CDK4: variants seen among roughly 807,000 people sequenced by gnomAD.
CDK4 encodes the protein cyclin dependent kinase 4, also known as cyclin-dependent kinase 4.
CDK4 carries 13 observed loss-of-function variants against 36.7 expected under a neutral mutation model. The observed-to-expected ratio is 0.35, with a 90% CI of 0.23 to 0.56. The LOEUF is 0.56. Among genes scored for constraint, CDK4 ranks in the 20% least tolerant of loss-of-function variants. The pLI, the probability that CDK4 is intolerant of heterozygous loss-of-function variation, is 0.85. For missense variants in CDK4, 285 were observed against 387.3 expected, an observed-to-expected ratio of 0.74 and a Z score of 2.22; for synonymous variants, 158 against 146.4, an observed-to-expected ratio of 1.08 and a Z score of -0.57.
In CDK4 at chr12:57,751,116, G is replaced by A. The variant is rs1812065219; in HGVS notation, c.355-26C>T. ...CTAGTTTCAAAGGGGAGGTACAGAT[G>A]CACTGGAAACTAGGCACCATACCTG... On this transcript the variant is annotated intron_variant, in intron 3 of 7. Coordinates refer to ENST00000257904, the MANE Select transcript of CDK4 (RefSeq NM_000075.4). This position sits in a 1 kb window ranked among gnomAD's most constrained non-coding sequence, Gnocchi z 4.5. The A allele has an allele frequency of 1.2e-6, 2 of 1,614,114 alleles. No homozygotes were observed. Among genetic ancestry groups the A allele is most frequent in the African/African-American group, 2.7e-5 (2 of 75,010 alleles).
rs1955188857 is a variant in CDK4, at chr12:57,748,648, TG to T, written c.820-32del. 4.1e-6 allele frequency: 6 copies of T among 1,474,568 alleles called. No homozygotes were observed. The South Asian group carries it at 6.8e-5, about 17-fold the overall frequency. 91.3% of individuals were successfully genotyped at this position (1,474,568 alleles called of 1,614,324 possible). On this transcript the variant is annotated intron_variant, in intron 7 of 7. Coordinates refer to ENST00000257904, the MANE Select transcript of CDK4 (RefSeq NM_000075.4). The stretch of plus-strand genomic sequence containing the variant: ...GGGAGAGGCAAAGGTCAGAAAACCA[TG>T]AAGAAAACAGACTTCTGCCCACCCA...
At position 57,751,364 on chromosome 12, in the gene CDK4, T is replaced by C. The variant is rs2140387678; in HGVS notation, c.219-22A>G. ...CAGCCTGACCAGAGTAAATGCTCACTTTTCAATCCCCTTTAACCCAACATG... is the reference window on the plus strand; with the variant it reads ...CAGCCTGACCAGAGTAAATGCTCACCTTTCAATCCCCTTTAACCCAACATG... On this transcript the variant is annotated intron_variant, in intron 2 of 7. Coordinates refer to ENST00000257904, the MANE Select transcript of CDK4 (RefSeq NM_000075.4). This position sits in a 1 kb window ranked among gnomAD's most constrained non-coding sequence, Gnocchi z 4.5. 1 of 1,614,026 alleles carries C rather than the reference T, an allele frequency of 6.2e-7. No homozygotes were observed. The highest frequency in any genetic ancestry group is 8.5e-7 in the Non-Finnish European group (1 of 1,180,032).
chr12:57,749,147 A>C, intron 7 of CDK4, 35 bp downstream of exon 7: 9 of 1,613,586 alleles, frequency 5.6e-6, no homozygotes, highest in Non-Finnish European at 7.6e-6. Flanking sequence ...CCCAGTCTCT[A>C]TTTCTTTCCC....
In CDK4 at chr12:57,751,133, C is replaced by A. The variant is rs377126278; in HGVS notation, c.355-43G>T. The A allele has an allele frequency of 4.1e-5, 66 of 1,614,022 alleles. No individual in the cohort carries two copies. The highest frequency in any genetic ancestry group is 4.6e-5 in the Non-Finnish European group (54 of 1,180,020). On this transcript the variant is annotated intron_variant, in intron 3 of 7. Transcript: ENST00000257904. This position sits in a 1 kb window ranked among gnomAD's most constrained non-coding sequence, Gnocchi z 4.5. ...GTACAGATGCACTGGAAACTAGGCACCATACCTGAAATCCCAGAAGGTTCT... is the reference window on the plus strand; with the variant it reads ...GTACAGATGCACTGGAAACTAGGCAACATACCTGAAATCCCAGAAGGTTCT...
In CDK4 at chr12:57,751,788, A is replaced by G. The variant is rs1955241129; in HGVS notation, c.-19-52T>C. 1.5e-6 allele frequency: 2 copies of G among 1,352,790 alleles called. No homozygotes were observed. Among genetic ancestry groups the G allele is most frequent in the Admixed American group, 1.8e-5 (1 of 55,684 alleles). The allele number at this position is 1,352,790 out of a possible 1,614,324, so 83.8% of individuals were successfully genotyped here. ...AAGTCGCTTACAGAGTTAGGATGGTATGAGCCTGCAGCAACAAAGGGACTC... is the reference window on the plus strand; with the variant it reads ...AAGTCGCTTACAGAGTTAGGATGGTGTGAGCCTGCAGCAACAAAGGGACTC... On this transcript the variant is annotated intron_variant, in intron 1 of 7. Transcript: ENST00000257904. The surrounding 1 kb of genome is among the most constrained non-coding windows in gnomAD (Gnocchi z 4.5).
Position 57,751,463 on chromosome 12 carries a change from T to C in CDK4, c.218+37A>G, listed in dbSNP as rs1379321187. On this transcript the variant is annotated intron_variant, in intron 2 of 7. Transcript: ENST00000257904. The surrounding 1 kb of genome is among the most constrained non-coding windows in gnomAD (Gnocchi z 4.5). ...CCCCACCTATAGGCTGTCTTTTCCCTTTACTCCCCACGCCCAACCCTCCAC... is the reference window on the plus strand; with the variant it reads ...CCCCACCTATAGGCTGTCTTTTCCCCTTACTCCCCACGCCCAACCCTCCAC... 3 of 1,611,202 alleles carry C rather than the reference T, an allele frequency of 1.9e-6. No homozygotes were observed. The highest frequency in any genetic ancestry group is 2.5e-6 in the Non-Finnish European group (3 of 1,177,744).
At position 57,750,864 on chromosome 12, in the gene CDK4, C is replaced by T. The variant is rs987417570; in HGVS notation, c.522+59G>A. On this transcript the variant is annotated intron_variant, in intron 4 of 7. Transcript: ENST00000257904. ...GAAGCACATGACTTCTCAATTGCTA[C>T]GGGCAATCACTCTCCTACTCCCAAC... 34 of 1,602,714 alleles carry T rather than the reference C, an allele frequency of 2.1e-5. No homozygotes were observed. In the Middle Eastern group the frequency reaches 1.2e-3, roughly 55 times the overall value.
In CDK4 at chr12:57,751,896, A is replaced by C; in HGVS notation, c.-19-160T>G. 2 of 649,474 alleles carry C rather than the reference A, an allele frequency of 3.1e-6. No homozygotes were observed. The highest frequency in any genetic ancestry group is 3.5e-5 in the South Asian group (2 of 56,608). The allele number at this position is 649,474 out of a possible 1,614,324, so 40.2% of individuals were successfully genotyped here. On this transcript the variant is annotated intron_variant, in intron 1 of 7. Transcript: ENST00000257904. The surrounding 1 kb of genome is among the most constrained non-coding windows in gnomAD (Gnocchi z 4.5). ...TTGGGGCCGGCCCCAGAGATAACAC[A>C]ATGACTCAATACCAACCCCTCCAGC...
rs1436435610 is a variant in CDK4 at position 57,749,611 on chromosome 12, A to G, written c.633-107T>C. 5.5e-6 allele frequency: 6 copies of G among 1,090,896 alleles called. No homozygotes were observed. In the East Asian group the frequency reaches 1.5e-4, roughly 28 times the overall value. 67.6% of individuals were successfully genotyped at this position (1,090,896 alleles called of 1,614,324 possible). ...GGAAGTATAGGGAATAAAGGCCAAC[A>G]ATTCCAGCACTTTGGGATGCTGAGG... On this transcript the variant is annotated intron_variant, in intron 5 of 7. Transcript: ENST00000257904.
rs2140388473 is a variant in CDK4, at chr12:57,751,613, C to T, written c.105G>A (p.Lys35=). 6.2e-7 allele frequency: 1 copy of T among 1,614,220 alleles called. No individual in the cohort carries two copies. Among genetic ancestry groups the T allele is most frequent in the Admixed American group, 1.7e-5 (1 of 60,022 alleles). The stretch of plus-strand genomic sequence containing the variant: ...CTCCTCCATTGGGGACTCTCACACT[C>T]TTGAGGGCCACAAAGTGGCCACTGT... ...DPHSGHFVAL[K]SVRVPNGGGG... is the part of the protein sequence containing the mutation. Residue 35 remains lysine (K), a synonymous_variant, in exon 2 of 8, where the codon AAG becomes AAA. Coordinates refer to ENST00000257904, the MANE Select transcript of CDK4 (RefSeq NM_000075.4). The surrounding 1 kb of genome is among the most constrained non-coding windows in gnomAD (Gnocchi z 4.5).
intron 4 of CDK4, 27 bp from the exon 5 acceptor site, chr12:57,750,792 G>T (rs371812067): frequency 6.3e-7 from 1 of 1,593,514 alleles, no homozygotes; most frequent in South Asian, 1.1e-5. Flanking sequence ...GAATGGATGG[G>T]GACCCCATGG....
chr12:57,749,039 G>T, intron 7 of CDK4, 143 bp downstream of exon 7: 2 of 1,038,168 alleles, frequency 1.9e-6, no homozygotes, highest in Non-Finnish European at 1.5e-6. Context: ...TTCTCTGTGG[G>T]TGGCTATTTG....
In CDK4 at chr12:57,748,603, A is replaced by G. The variant is rs115576923; in HGVS notation, c.834T>C (p.Phe278=). Residue 278 remains phenylalanine, a synonymous_variant, in exon 8 of 8, where the codon TTT becomes TTC. Coordinates refer to ENST00000257904, the MANE Select transcript of CDK4 (RefSeq NM_000075.4). ...GAQLLLEMLT[F]NPHKRISAFR... ...AGGCAGAGATTCGCTTGTGTGGGTT[A>G]AAAGTCAGCATTTCCTGAGGGGAGA... is the stretch of plus-strand genomic sequence containing the variant. The G allele has an allele frequency of 3.0e-5, 49 of 1,613,588 alleles. No homozygotes were observed. In the African/African-American group the frequency reaches 5.3e-4, roughly 18 times the overall value.
rs2140386487 is a variant in CDK4, at chr12:57,750,992, A to G, written c.453T>C (p.Gly151=). The G allele has an allele frequency of 3.1e-6, 5 of 1,613,746 alleles. No individual in the cohort carries two copies. The African/African-American group carries it at 6.7e-5, about 22-fold the overall frequency. The change falls in exon 4 of 8, where the codon GGT becomes GGC. Residue 151 remains glycine, a synonymous_variant. Transcript: ENST00000257904. ...LKPENILVTS[G]GTVKLADFGL... Reference sequence around the variant, plus strand: ...CAAAGTCAGCCAGCTTGACTGTTCCACCACTTGTCACCAGAATGTTCTCTG... The same window carrying G: ...CAAAGTCAGCCAGCTTGACTGTTCCGCCACTTGTCACCAGAATGTTCTCTG...
At chr12:57,750,334 G>A in intron 5 of CDK4, 1 of 370,626 alleles carries the variant, frequency 2.7e-6, no homozygotes, top group Non-Finnish European at 5.2e-6. Flanking sequence ...GGGAGGTAGG[G>A]GTGGGAGGAT....
At position 57,751,777 on chromosome 12, in the gene CDK4, G is replaced by C. The variant is rs1467617022; in HGVS notation, c.-19-41C>G. The C allele has an allele frequency of 6.7e-7, 1 of 1,481,978 alleles. No homozygotes were observed. The highest frequency in any genetic ancestry group is 9.4e-7 in the Non-Finnish European group (1 of 1,066,358). 91.8% of individuals were successfully genotyped at this position (1,481,978 alleles called of 1,614,324 possible). ...CCTATCACCAAAAGTCGCTTACAGA[G>C]TTAGGATGGTATGAGCCTGCAGCAA... is the stretch of plus-strand genomic sequence containing the variant. On this transcript the variant is annotated intron_variant, in intron 1 of 7. Coordinates refer to ENST00000257904, the MANE Select transcript of CDK4 (RefSeq NM_000075.4). The surrounding 1 kb of genome is among the most constrained non-coding windows in gnomAD (Gnocchi z 4.5).
At chr12:57,750,607 C>A (rs780676144) in intron 5 of CDK4, 49 bp downstream of exon 5, 1 of 1,286,482 alleles carries the variant, frequency 7.8e-7, no homozygotes, top group Admixed American at 1.7e-5. Context: ...GGTTTATGAA[C>A]AAGCGATTTG....
chr12:57,750,618 G>T (rs2140385475), intron 5 of CDK4, 38 bp downstream of exon 5: 1 of 1,364,996 alleles, frequency 7.3e-7, no homozygotes, highest in Non-Finnish European at 1.0e-6. Context: ...AAGCGATTTG[G>T]GGAATTCAAG....
At chr12:57,749,953 C>T in intron 5 of CDK4, 2 of 206,016 alleles carry the variant, frequency 9.7e-6, no homozygotes, top group Non-Finnish European at 9.9e-6. Flanking sequence ...GCAGAGATCG[C>T]ACTACTGCAC....
Sources: allele counts gnomAD v4.1 joint callset, GRCh38; gene constraint gnomAD v4.1.1; non-coding constraint Gnocchi (gnomAD v3.1); transcripts MANE v1.5; gene names NCBI Gene and HGNC (gene_info 2026-07-23, HGNC 2026-07-21).